The following CSN2 variants were observed in gnomAD, a reference collection of about 807,000 sequenced individuals.
CSN2 encodes beta-casein.
CSN2 carries 27 observed loss-of-function variants against 27.3 expected under a neutral mutation model. The ratio of observed to expected loss-of-function variants is 0.99; its 90% CI spans 0.73 to 1.36. CSN2 has a LOEUF of 1.36. CSN2 is among the 40% of genes most tolerant of loss of function. The pLI, the probability that CSN2 is intolerant of heterozygous loss-of-function variation, is 0.00. For missense variants in CSN2, 333 were observed against 264.5 expected (o/e 1.26, Z -1.80); for synonymous variants, 131 against 94.8 (o/e 1.38, Z -2.22).
intron 5 of CSN2, among the ~76,000 whole-genome samples, chr4:69,958,513 A>G (rs896730375): frequency 4.6e-5 from 7 of 152,136 alleles, no homozygotes; most frequent in African/African-American, 1.7e-4. Context: ...TGTGTTGTCC[A>G]TATGGGAATA....
chr4:69,961,573 G>T (rs1723585566), intron 1 of CSN2, among the ~76,000 whole-genome samples: 1 of 151,976 alleles, frequency 6.6e-6, no homozygotes. Flanking sequence ...GGTATTGATG[G>T]GACATATCTC....
chr4:69,961,162 T>A (rs768895212), intron 1 of CSN2, among the ~76,000 whole-genome samples, 155 bp from the exon 2 acceptor site: 1 of 151,968 alleles, frequency 6.6e-6, no homozygotes, highest in African/African-American at 2.4e-5. Context: ...AAATACTAAA[T>A]AGAAGTTATA....
chr4:69,964,613 A>G (rs2109750481), intron 1 of CSN2, among the ~76,000 whole-genome samples: 1 of 151,616 alleles, frequency 6.6e-6, no homozygotes, highest in South Asian at 2.1e-4. Flanking sequence ...TTTGCCTAAG[A>G]CCACTATAAG....
chr4:69,961,240 C>A (rs551999629), intron 1 of CSN2, among the ~76,000 whole-genome samples: 115 of 152,162 alleles, frequency 7.6e-4, no homozygotes, highest in African/African-American at 2.4e-3. Context: ...AACTTCATTG[C>A]CAGCTATTCA....
chr4:69,960,712 G>C (rs1362009225), intron 2 of CSN2, among the ~76,000 whole-genome samples: 3 of 151,926 alleles, frequency 2.0e-5, no homozygotes, highest in Admixed American at 2.0e-4. Context: ...TTATTGATTT[G>C]TTTGCTTTTT....
At chr4:69,963,395 A>G (rs1723674038) in intron 1 of CSN2, among the ~76,000 whole-genome samples, 1 of 152,132 alleles carries the variant, frequency 6.6e-6, no homozygotes, top group East Asian at 1.9e-4. Context: ...ACCATGGAAT[A>G]CTATGCAGCC....
chr4:69,956,789 C>T (rs1003327722), intron 6 of CSN2, among the ~76,000 whole-genome samples: 1 of 151,994 alleles, frequency 6.6e-6, no homozygotes, highest in African/African-American at 2.4e-5. Flanking sequence ...CTAATTAAAC[C>T]AGAATTCATG....
intron 1 of CSN2, among the ~76,000 whole-genome samples, chr4:69,963,464 T>C (rs1296477341): frequency 6.6e-6 from 1 of 152,046 alleles, no homozygotes; most frequent in Non-Finnish European, 1.5e-5. Flanking sequence ...GAAACCATCA[T>C]TCTCAGCAAA....
At chr4:69,960,473 TTATTA>T (rs777376694) in intron 2 of CSN2, among the ~76,000 whole-genome samples, 7 of 150,650 alleles carry the variant, frequency 4.6e-5, no homozygotes, top group Admixed American at 4.0e-4. Context: ...TTAAATATTT[TTATTA>T]TATTATTATT....
rs113522504 is a variant in CSN2, at chr4:69,963,590, G to A, written c.-13+2091C>T. Among the ~76,000 whole-genome samples the A allele has an allele frequency of 5.3e-5, 8 of 152,004 alleles. 1 individual carries two copies. The highest frequency in any genetic ancestry group is 1.9e-4 in the East Asian group (1 of 5,148). ...CATCACACACCGGGGCTGTTGTGGGGTGGGGGGAGTGGGGAGGGATAGCAT... is the reference window on the plus strand; with the variant it reads ...CATCACACACCGGGGCTGTTGTGGGATGGGGGGAGTGGGGAGGGATAGCAT... On this transcript the variant is annotated intron_variant, in intron 1 of 7. Coordinates refer to ENST00000353151, the MANE Select transcript of CSN2 (RefSeq NM_001891.4).
intron 1 of CSN2, among the ~76,000 whole-genome samples, chr4:69,964,654 C>G (rs1404940748): frequency 2.6e-5 from 4 of 151,052 alleles, no homozygotes; most frequent in Non-Finnish European, 5.9e-5. Flanking sequence ...GGTTCAGAAA[C>G]AGAATATAAC....
intron 1 of CSN2, among the ~76,000 whole-genome samples, chr4:69,961,575 A>G (rs1723585706): frequency 6.6e-6 from 1 of 152,204 alleles, no homozygotes; most frequent in East Asian, 1.9e-4. Context: ...TATTGATGGG[A>G]CATATCTCAA....
chr4:69,957,187 A>T (rs1041471123), intron 6 of CSN2, 87 bp downstream of exon 6: 2 of 1,317,980 alleles, frequency 1.5e-6, no homozygotes, highest in Non-Finnish European at 1.0e-6. Flanking sequence ...CTGTTTTTTT[A>T]ATTCATTTAC....
intron 2 of CSN2, 48 bp from the exon 3 acceptor site, chr4:69,960,127 G>A: frequency 6.4e-7 from 1 of 1,551,960 alleles, no homozygotes; most frequent in Non-Finnish European, 8.9e-7. Context: ...TAGATCATTA[G>A]AGAATTTTAC....
At chr4:69,960,512 G>A (rs897966977) in intron 2 of CSN2, among the ~76,000 whole-genome samples, 1 of 151,262 alleles carries the variant, frequency 6.6e-6, no homozygotes, top group Non-Finnish European at 1.5e-5. Context: ...TCATGATTAT[G>A]ATTGTCTCTG....
At chr4:69,963,338 A>G (rs1723671573) in intron 1 of CSN2, among the ~76,000 whole-genome samples, 2 of 152,126 alleles carry the variant, frequency 1.3e-5, no homozygotes. Flanking sequence ...AACCAACCCA[A>G]ATGTCCAACA....
intron 1 of CSN2, among the ~76,000 whole-genome samples, chr4:69,963,496 C>A (rs1723677293): frequency 6.6e-6 from 1 of 151,790 alleles, no homozygotes; most frequent in South Asian, 2.1e-4. Context: ...ACAAAAAAAC[C>A]AAACACCACA....
Position 69,958,937 on chromosome 4 carries a change from A to G in CSN2, c.116T>C (p.Val39Ala), listed in dbSNP as rs1723485316. 6.3e-7 allele frequency: 1 copy of G among 1,598,232 alleles called. No homozygotes were observed. Among genetic ancestry groups the G allele is most frequent in the Non-Finnish European group, 8.6e-7 (1 of 1,169,046 alleles). Residue 39 changes from valine (V) to alanine (A), a missense_variant, in exon 5 of 8, where the codon GTT becomes GCT. By Grantham distance (64) the Val-to-Ala change is moderately conservative (BLOSUM62 0). Coordinates refer to ENST00000353151, the MANE Select transcript of CSN2 (RefSeq NM_001891.4). ...ITEYKQKVEK[V>A]KHEDQQQGED... The stretch of plus-strand genomic sequence containing the variant: ...TCCTTGCTGCTGGTCCTCATGTTTA[A>G]CCTTCTCAACTTTCTGCTAAAGATA...
At chr4:69,964,620 T>A (rs1723735786) in intron 1 of CSN2, among the ~76,000 whole-genome samples, 1 of 151,482 alleles carries the variant, frequency 6.6e-6, no homozygotes, top group Non-Finnish European at 1.5e-5. Context: ...AAGACCACTA[T>A]AAGTTCCCAA....
Sources: gnomAD v4.1 joint callset for allele counts (sites outside exome capture counted in the v4.1 genomes callset) on GRCh38, gnomAD v4.1.1 for gene constraint, MANE v1.5 for transcripts, NCBI Gene and HGNC (gene_info 2026-07-23, HGNC 2026-07-21) for gene names.